CNTN4: variants seen among roughly 807,000 people sequenced by gnomAD.
The protein encoded by CNTN4 is contactin 4, also known as contactin-4.
A neutral mutation model predicts 122.5 loss-of-function variants in CNTN4; 77 were observed. The ratio of observed to expected loss-of-function variants is 0.63; its 90% CI spans 0.52 to 0.76. The LOEUF is 0.76. CNTN4 is among the 30% of genes least tolerant of loss of function. CNTN4 has a pLI of 0.00. For missense variants in CNTN4, 1,256 were observed against 1,259.1 expected, an observed-to-expected ratio of 1.00 and a Z score of 0.04; for synonymous variants, 512 against 447.0, an observed-to-expected ratio of 1.15 and a Z score of -1.83.
chr3:3,034,723 C>A lies in CNTN4; in HGVS notation c.1875C>A (p.Ser625Arg), dbSNP rs1488161706. 4 of 1,613,938 alleles carry A rather than the reference C, an allele frequency of 2.5e-6. No individual in the cohort carries two copies. Among genetic ancestry groups the A allele is most frequent in the Non-Finnish European group, 2.5e-6 (3 of 1,179,982 alleles). The change falls in exon 17 of 25, where the codon AGC (serine) becomes AGA (arginine). Residue 625 changes from serine to arginine, a missense_variant. Coordinates refer to ENST00000418658, the MANE Select transcript of CNTN4 (RefSeq NM_175607.3). The part of the protein sequence containing the change: ...LSWRPGPDNH[S>R]PITMYVIQAR... ...GGAGACCCGGGCCTGACAACCACAG[C>A]CCCATCACCATGTATGTCATTCAAG...
chr3:2,394,444 A>G (rs947336160), intron 3 of CNTN4, among the ~76,000 whole-genome samples: 1 of 152,212 alleles, frequency 6.6e-6, no homozygotes, highest in Non-Finnish European at 1.5e-5. Flanking sequence ...TGAGCCCTAT[A>G]CCACATACCA....
intron 5 of CNTN4, among the ~76,000 whole-genome samples, chr3:2,744,055 C>T (rs1445364899): frequency 6.6e-6 from 1 of 152,156 alleles, no homozygotes; most frequent in Non-Finnish European, 1.5e-5. Context: ...GCTCAAGAGA[C>T]CTGCCTGCTT....
At chr3:2,441,829 G>A (rs1197812997) in intron 3 of CNTN4, among the ~76,000 whole-genome samples, 1 of 152,150 alleles carries the variant, frequency 6.6e-6, no homozygotes, top group East Asian at 1.9e-4. Context: ...TATACAAAAT[G>A]TTGGATCTAA....
At chr3:2,280,860 T>G (rs1221894314) in intron 2 of CNTN4, among the ~76,000 whole-genome samples, 1 of 152,132 alleles carries the variant, frequency 6.6e-6, no homozygotes, top group Non-Finnish European at 1.5e-5. Context: ...CACACATGGT[T>G]TTTGTTCAGA....
At chr3:2,702,349 C>A (rs527859265) in intron 4 of CNTN4, among the ~76,000 whole-genome samples, 9 of 152,338 alleles carry the variant, frequency 5.9e-5, no homozygotes, top group African/African-American at 2.2e-4. Context: ...ACGAACACTG[C>A]AAGTATCCGT....
chr3:2,612,903 G>A (rs992034322), intron 4 of CNTN4, among the ~76,000 whole-genome samples: 4 of 152,150 alleles, frequency 2.6e-5, no homozygotes, highest in African/African-American at 4.8e-5. Flanking sequence ...TAGCCTTAGT[G>A]ACCTTGAGAC....
intron 13 of CNTN4, among the ~76,000 whole-genome samples, chr3:2,929,991 G>A (rs1448261319): frequency 6.6e-6 from 1 of 152,180 alleles, no homozygotes; most frequent in Non-Finnish European, 1.5e-5. Context: ...TCCTTCCCTG[G>A]TTACTAATAA....
intron 14 of CNTN4, among the ~76,000 whole-genome samples, chr3:2,991,283 G>C: frequency 6.6e-6 from 1 of 152,170 alleles, no homozygotes; most frequent in East Asian, 1.9e-4. Flanking sequence ...GGAAGGCAGG[G>C]ATGTGTAGGT....
At position 2,172,856 on chromosome 3, in the gene CNTN4, G is replaced by C. The variant is rs2036576140; in HGVS notation, c.-145+72217G>C. On this transcript the variant is annotated intron_variant, in intron 2 of 24. Coordinates refer to ENST00000418658, the MANE Select transcript of CNTN4 (RefSeq NM_175607.3). ...AAATGGAATTGGAAAAGAGACAAAT[G>C]AGAAAGAGAGATTGTGAAAGTGAGA... is the stretch of plus-strand genomic sequence containing the variant. Among the ~76,000 whole-genome samples, 3 of 152,140 alleles carry C rather than the reference G, an allele frequency of 2.0e-5. No homozygotes were observed. In the South Asian group the frequency reaches 6.2e-4, roughly 31 times the overall value.
At chr3:2,806,262 A>G (rs1287609765) in intron 6 of CNTN4, among the ~76,000 whole-genome samples, 2 of 152,200 alleles carry the variant, frequency 1.3e-5, no homozygotes, top group Non-Finnish European at 2.9e-5. Context: ...GCAATGCTCT[A>G]CATACTTTCT....
At position 2,718,523 on chromosome 3, in the gene CNTN4, G is replaced by A. The variant is rs145713425; in HGVS notation, c.56-17692G>A. ...GAATGGTTGGTTTTCATTTGAGATA[G>A]TCATTACCCAGACAAGGTTGGTTAT... On this transcript the variant is annotated intron_variant, in intron 4 of 24. Transcript: ENST00000418658. Among the ~76,000 whole-genome samples, 10 of 152,270 alleles carry A rather than the reference G, an allele frequency of 6.6e-5. No homozygotes were observed. In the East Asian group the frequency reaches 1.9e-3, roughly 29 times the overall value.
At chr3:2,659,852 T>G (rs2083790577) in intron 4 of CNTN4, among the ~76,000 whole-genome samples, 1 of 152,224 alleles carries the variant, frequency 6.6e-6, no homozygotes, top group Non-Finnish European at 1.5e-5. Flanking sequence ...AGAGACATTT[T>G]AAACCCAATA....
chr3:2,773,762 CTTTTT>C (rs1234334638), intron 6 of CNTN4, among the ~76,000 whole-genome samples: 1 of 107,544 alleles, frequency 9.3e-6, no homozygotes, highest in Non-Finnish European at 1.8e-5. Flanking sequence ...ATGTAGTAGA[CTTTTT>C]TTTTTTTTTT....
intron 6 of CNTN4, among the ~76,000 whole-genome samples, chr3:2,755,298 C>T (rs570248144): frequency 6.3e-4 from 96 of 151,974 alleles, no homozygotes; most frequent in Non-Finnish European, 6.3e-4. Context: ...TTTTTCTGAG[C>T]GATAAAATGT....
chr3:2,181,050 G>A (rs2036992115), intron 2 of CNTN4, among the ~76,000 whole-genome samples: 1 of 152,044 alleles, frequency 6.6e-6, no homozygotes, highest in African/African-American at 2.4e-5. Context: ...TAGTTTATCA[G>A]TGAAATGTGC....
intron 2 of CNTN4, among the ~76,000 whole-genome samples, chr3:2,308,249 T>C (rs1381138019): frequency 6.6e-6 from 1 of 152,082 alleles, no homozygotes; most frequent in African/African-American, 2.4e-5. Context: ...AATTCTGTTG[T>C]TATCCCCCCT....
chr3:2,151,620 G>T (rs1261680155), intron 2 of CNTN4, among the ~76,000 whole-genome samples: 5 of 152,068 alleles, frequency 3.3e-5, no homozygotes, highest in African/African-American at 7.3e-5. Flanking sequence ...TGAGAATTGG[G>T]GCCTTTAAGA....
At chr3:2,827,026 T>G (rs2093001936) in intron 7 of CNTN4, among the ~76,000 whole-genome samples, 1 of 152,194 alleles carries the variant, frequency 6.6e-6, no homozygotes, top group Non-Finnish European at 1.5e-5. Context: ...ATGGTATTCT[T>G]TGCATTCTAA....
rs181514653 is a variant in CNTN4, at chr3:2,726,022, A to T, written c.56-10193A>T. 2.6e-5 allele frequency among the ~76,000 whole-genome samples: 4 copies of T among 152,296 alleles called. No homozygotes were observed. In the South Asian group the frequency reaches 6.2e-4, roughly 24 times the overall value. On this transcript the variant is annotated intron_variant, in intron 4 of 24. Coordinates refer to ENST00000418658, the MANE Select transcript of CNTN4 (RefSeq NM_175607.3). ...GCTCTCATATCTGAGAATCTTAGGG[A>T]TAAAGCTTGCTTGGGACGGAACTTG...
Sources: gnomAD v4.1 joint callset for allele counts (sites outside exome capture counted in the v4.1 genomes callset) on GRCh38, gnomAD v4.1.1 for gene constraint, MANE v1.5 for transcripts, NCBI Gene and HGNC (gene_info 2026-07-23, HGNC 2026-07-21) for gene names.